KIAA0319L: variants seen among roughly 807,000 people sequenced by gnomAD.
The protein encoded by KIAA0319L is KIAA0319 like.
A neutral mutation model predicts 120.1 loss-of-function variants in KIAA0319L; 55 were observed. The ratio of observed to expected loss-of-function variants is 0.46; its 90% CI spans 0.37 to 0.57. The LOEUF (loss-of-function observed/expected upper bound fraction) is 0.57, where lower values mean the gene tolerates loss of function less well. Among genes scored for constraint, KIAA0319L ranks in the 20% least tolerant of loss-of-function variants. KIAA0319L has a pLI of 0.00. For missense variants in KIAA0319L, 1,049 were observed against 1,255.3 expected, an observed-to-expected ratio of 0.84 and a Z score of 2.48; for synonymous variants, 398 against 471.9, an observed-to-expected ratio of 0.84 and a Z score of 2.03.
At chr1:35,440,970 T>C (rs1346649250) in intron 20 of KIAA0319L, 77 bp downstream of exon 20, 1 of 1,110,466 alleles carries the variant, frequency 9.0e-7, no homozygotes, top group Non-Finnish European at 1.4e-6. Context: ...AGTGACACAC[T>C]CAGGAGGGGC....
intron 4 of KIAA0319L, among the ~76,000 whole-genome samples, chr1:35,476,449 G>C (rs529563019): frequency 6.6e-6 from 1 of 152,184 alleles, no homozygotes; most frequent in African/African-American, 2.4e-5. Flanking sequence ...CCTGGGAGGC[G>C]AGAAGGGCTT....
intron 3 of KIAA0319L, among the ~76,000 whole-genome samples, chr1:35,479,447 C>A (rs1446025880): frequency 6.6e-6 from 1 of 152,170 alleles, no homozygotes; most frequent in East Asian, 1.9e-4. Flanking sequence ...TTTCTGCATT[C>A]TAAGTGTGCT....
intron 3 of KIAA0319L, among the ~76,000 whole-genome samples, chr1:35,490,769 A>C (rs1644562401): frequency 1.3e-5 from 2 of 152,316 alleles, no homozygotes; most frequent in African/African-American, 4.8e-5. Flanking sequence ...TTGAATTGTA[A>C]TTTCCAATGT....
intron 2 of KIAA0319L, among the ~76,000 whole-genome samples, chr1:35,533,703 T>C (rs1396406990): frequency 6.6e-6 from 1 of 152,218 alleles, no homozygotes; most frequent in Non-Finnish European, 1.5e-5. Flanking sequence ...TCATCAAAAG[T>C]ATGCATTCTC....
intron 2 of KIAA0319L, among the ~76,000 whole-genome samples, chr1:35,522,899 G>C (rs1325942607): frequency 6.6e-6 from 1 of 150,598 alleles, no homozygotes; most frequent in East Asian, 2.0e-4. Context: ...GGCGCCTGTA[G>C]TCCCAGCTAC....
At chr1:35,465,944 G>A (rs12032946) in intron 7 of KIAA0319L, among the ~76,000 whole-genome samples, 3 of 152,086 alleles carry the variant, frequency 2.0e-5, no homozygotes, top group Non-Finnish European at 2.9e-5. Context: ...CCATGATTGT[G>A]AGGCCTCCCC....
At chr1:35,526,390 T>C (rs1570955960) in intron 2 of KIAA0319L, among the ~76,000 whole-genome samples, 1 of 79,122 alleles carries the variant, frequency 1.3e-5, no homozygotes, top group Admixed American at 1.5e-4. Context: ...TATACATACA[T>C]ATATATATAT....
chr1:35,456,206 G>C lies in KIAA0319L; in HGVS notation c.1463C>G (p.Ser488Cys). Residue 488 changes from serine (S) to cysteine (C), a missense_variant, in exon 10 of 21, where the codon TCT (serine) becomes TGT (cysteine). Physicochemically the swap from Ser to Cys is moderately radical, Grantham distance 112 (BLOSUM62 -1). Transcript: ENST00000325722. The stretch of plus-strand genomic sequence containing the variant: ...GTTCACTGTCAGGTTTGCAGTAGTA[G>C]AGTTGGTAGCTCCATCAGAGTCTAC... ...TVVDSDGATNSTTANLTVNKA... is the reference protein window; with the variant it reads ...TVVDSDGATNCTTANLTVNKA... 1 of 1,607,158 alleles carries C rather than the reference G, an allele frequency of 6.2e-7. No individual in the cohort carries two copies. Among genetic ancestry groups the C allele is most frequent in the Non-Finnish European group, 8.5e-7 (1 of 1,175,998 alleles).
intron 1 of KIAA0319L, among the ~76,000 whole-genome samples, chr1:35,555,821 G>A (rs1198659273): frequency 6.6e-6 from 1 of 152,202 alleles, no homozygotes; most frequent in Non-Finnish European, 1.5e-5. Context: ...CTGACAGGTG[G>A]GTGGGAGAAG....
intron 2 of KIAA0319L, among the ~76,000 whole-genome samples, chr1:35,545,677 G>C (rs1242681197): frequency 6.6e-6 from 1 of 152,120 alleles, no homozygotes; most frequent in Non-Finnish European, 1.5e-5. Context: ...ACTTTGGGAG[G>C]GTGAGGCAGG....
chr1:35,534,947 A>C (rs1646517250), intron 2 of KIAA0319L, among the ~76,000 whole-genome samples: 1 of 151,076 alleles, frequency 6.6e-6, no homozygotes, highest in South Asian at 2.1e-4. Context: ...CAGTCAAAAA[A>C]TCAGCCAGCT....
chr1:35,437,512 T>A lies in KIAA0319L; in HGVS notation c.2963-2431A>T, dbSNP rs1640885312. ...CAGCTTCTAAAAGGATTTTTAAATATTCAGGGCCTTCATCTCCTCACTGCG... is the reference window on the plus strand; with the variant it reads ...CAGCTTCTAAAAGGATTTTTAAATAATCAGGGCCTTCATCTCCTCACTGCG... On this transcript the variant is annotated intron_variant, in intron 20 of 20. Coordinates refer to ENST00000325722, the MANE Select transcript of KIAA0319L (RefSeq NM_024874.5). This position sits in a 1 kb window ranked among gnomAD's most constrained non-coding sequence, Gnocchi z 4.1. Among the ~76,000 whole-genome samples the A allele has an allele frequency of 3.3e-5, 5 of 152,200 alleles. No homozygotes were observed. In the South Asian group the frequency reaches 1.0e-3, roughly 32 times the overall value.
At chr1:35,511,678 T>G (rs1198589029) in intron 2 of KIAA0319L, among the ~76,000 whole-genome samples, 2 of 152,228 alleles carry the variant, frequency 1.3e-5, no homozygotes, top group Non-Finnish European at 2.9e-5. Flanking sequence ...AGAGGAGATA[T>G]TTAATAAGTG....
intron 3 of KIAA0319L, among the ~76,000 whole-genome samples, chr1:35,503,679 C>T (rs1645092531): frequency 6.6e-6 from 1 of 151,930 alleles, no homozygotes; most frequent in South Asian, 2.1e-4. Flanking sequence ...CCTATTTTAC[C>T]AGGCCATATA....
At chr1:35,481,982 G>A (rs1189007228) in intron 3 of KIAA0319L, among the ~76,000 whole-genome samples, 3 of 151,822 alleles carry the variant, frequency 2.0e-5, no homozygotes, top group Non-Finnish European at 4.4e-5. Context: ...CCGCCACCAT[G>A]CCCAGCTAAT....
Position 35,437,318 on chromosome 1 carries a change from C to T in KIAA0319L, c.2963-2237G>A, listed in dbSNP as rs1472564119. 6.6e-6 allele frequency among the ~76,000 whole-genome samples: 1 copy of T among 152,192 alleles called. No homozygotes were observed. Among genetic ancestry groups the T allele is most frequent in the Non-Finnish European group, 1.5e-5 (1 of 68,016 alleles). On this transcript the variant is annotated intron_variant, in intron 20 of 20. Transcript: ENST00000325722. This position sits in a 1 kb window ranked among gnomAD's most constrained non-coding sequence, Gnocchi z 4.1. Reference sequence around the variant, plus strand: ...GAACTCCATGCTCCCTTTCTCTCCTCTCTTCCCTTCTCCCTCCTTCCTCCT... The same window carrying T: ...GAACTCCATGCTCCCTTTCTCTCCTTTCTTCCCTTCTCCCTCCTTCCTCCT...
chr1:35,552,438 C>G (rs929128108), intron 2 of KIAA0319L, among the ~76,000 whole-genome samples: 1 of 152,168 alleles, frequency 6.6e-6, no homozygotes, highest in Non-Finnish European at 1.5e-5. Flanking sequence ...GTGGACAAAC[C>G]TGGATTTAGA....
chr1:35,476,462 T>G (rs1396034273), intron 4 of KIAA0319L, among the ~76,000 whole-genome samples: 2 of 152,192 alleles, frequency 1.3e-5, no homozygotes, highest in Non-Finnish European at 2.9e-5. Context: ...AAGGGCTTCC[T>G]AGACAAATAT....
intron 2 of KIAA0319L, among the ~76,000 whole-genome samples, chr1:35,529,117 G>A (rs943201546): frequency 1.3e-5 from 2 of 152,132 alleles, no homozygotes; most frequent in African/African-American, 2.4e-5. Flanking sequence ...TGCCCAGGCT[G>A]GTCTCAAACT....
Sources: allele counts gnomAD v4.1 joint callset (sites outside exome capture counted in the v4.1 genomes callset), GRCh38; gene constraint gnomAD v4.1.1; non-coding constraint Gnocchi (gnomAD v3.1); transcripts MANE v1.5; gene names NCBI Gene and HGNC (gene_info 2026-07-23, HGNC 2026-07-21).